Variants in NRXN3 observed in about 807,000 individuals in gnomAD.
The protein encoded by NRXN3 is neurexin 3, also known as neurexin III.
In NRXN3, 32 loss-of-function variants were observed where a neutral mutation model predicts 137.6. The observed-to-expected ratio is 0.23, with a 90% CI of 0.18 to 0.31. The LOEUF (loss-of-function observed/expected upper bound fraction) is 0.31, where lower values mean the gene tolerates loss of function less well. Ranked by LOEUF, NRXN3 falls within the 10% of genes least tolerant of loss-of-function variation. The pLI is 1.00. For synonymous variants in NRXN3, 798 were observed against 784.5 expected (o/e 1.02, Z -0.29); for missense variants, 1,574 against 2,062.5 (o/e 0.76, Z 4.59).
chr14:78,714,659 G>A (rs2098423617), intron 7 of NRXN3, 97 bp from the exon 8 acceptor site: 2 of 1,350,178 alleles, frequency 1.5e-6, no homozygotes, highest in African/African-American at 1.4e-5. Flanking sequence ...GTTCTCTCCT[G>A]GCCAGCCAAT....
At chr14:78,947,995 C>T (rs1288360975) in intron 10 of NRXN3, among the ~76,000 whole-genome samples, 1 of 152,174 alleles carries the variant, frequency 6.6e-6, no homozygotes, top group Non-Finnish European at 1.5e-5. Flanking sequence ...CGTTACCTAC[C>T]TCATGCGGTT....
intron 15 of NRXN3, among the ~76,000 whole-genome samples, chr14:79,119,633 G>A (rs564851211): frequency 2.6e-5 from 4 of 152,196 alleles, no homozygotes; most frequent in African/African-American, 9.6e-5. Context: ...TCTCTTTCTA[G>A]CATGTCAAAC....
chr14:78,583,372 G>A (rs1317946305), intron 4 of NRXN3, among the ~76,000 whole-genome samples: 2 of 150,708 alleles, frequency 1.3e-5, no homozygotes, highest in Admixed American at 1.3e-4. Context: ...CTTTAAATAA[G>A]GATCTATATT....
chr14:78,346,707 C>T (rs2082784048), intron 4 of NRXN3, among the ~76,000 whole-genome samples: 1 of 152,168 alleles, frequency 6.6e-6, no homozygotes, highest in African/African-American at 2.4e-5. Context: ...GATAACTCTG[C>T]CCAAACCACC....
At chr14:78,896,140 G>A (rs2099173789) in intron 10 of NRXN3, among the ~76,000 whole-genome samples, 1 of 151,822 alleles carries the variant, frequency 6.6e-6, no homozygotes, top group Non-Finnish European at 1.5e-5. Flanking sequence ...TGCAATTGTT[G>A]TAAAATGCAA....
intron 4 of NRXN3, among the ~76,000 whole-genome samples, chr14:78,398,333 G>A (rs2091715855): frequency 6.6e-6 from 1 of 151,566 alleles, no homozygotes; most frequent in South Asian, 2.1e-4. Flanking sequence ...GCTATGATGT[G>A]TTTCCATTGA....
intron 2 of NRXN3, among the ~76,000 whole-genome samples, chr14:78,261,296 A>G (rs1403545364): frequency 6.6e-6 from 1 of 152,158 alleles, no homozygotes; most frequent in Non-Finnish European, 1.5e-5. Context: ...TCTCCTGCAC[A>G]TAACTGATTT....
intron 15 of NRXN3, among the ~76,000 whole-genome samples, chr14:79,031,640 G>C (rs12880287): frequency 6.6e-6 from 1 of 151,870 alleles, no homozygotes; most frequent in African/African-American, 2.4e-5. Context: ...ATTCCATCTG[G>C]TGTAGCCAAA....
At chr14:78,793,107 T>C (rs1382496479) in intron 8 of NRXN3, among the ~76,000 whole-genome samples, 1 of 152,176 alleles carries the variant, frequency 6.6e-6, no homozygotes, top group African/African-American at 2.4e-5. Flanking sequence ...TATCAAAATA[T>C]CTCATGTACT....
intron 8 of NRXN3, among the ~76,000 whole-genome samples, chr14:78,801,514 C>T (rs207474989): frequency 6.6e-6 from 1 of 152,010 alleles, no homozygotes. Context: ...CTTACAAAAC[C>T]ATCAGATAGT....
In NRXN3 at chr14:78,714,760, T is replaced by C. The variant is rs1048713684; in HGVS notation, c.1665T>C (p.Thr555=). 4 of 1,613,284 alleles carry C rather than the reference T, an allele frequency of 2.5e-6. No individual in the cohort carries two copies. Among genetic ancestry groups the C allele is most frequent in the Non-Finnish European group, 3.4e-6 (4 of 1,179,458 alleles). ...VDIQRDGRSG[T]ISVNSRRTPF... is the part of the protein sequence containing the mutation. ...AGATCTGTCTTCCCACCCCAGGTAC[T>C]ATATCAGTGAACAGCAGGCGCACGC... is the stretch of plus-strand genomic sequence containing the variant. Residue 555 remains threonine (T), a synonymous_variant, in exon 8 of 21, where the codon ACT becomes ACC. Transcript: ENST00000335750.
rs151021769 is a variant in NRXN3 at position 78,825,160 on chromosome 14, G to A, written c.2275+14816G>A. Among the ~76,000 whole-genome samples the A allele has an allele frequency of 3.1e-3, 412 of 132,338 alleles. 3 individuals carry two copies. The highest frequency in any genetic ancestry group is 0.012 in the African/African-American group (399 of 34,490). 86.8% of individuals were successfully genotyped at this position (132,338 alleles called of 152,430 possible). A position where few individuals can be genotyped will look rare whatever the true frequency, so the allele number is the denominator to read the frequency against. On this transcript the variant is annotated intron_variant, in intron 10 of 20. Transcript: ENST00000335750. ...TGCAGTGAGCCGAGATTGCAACACTGCACTCCAGCCTGCGTGACAGAGCGA... is the reference window on the plus strand; with the variant it reads ...TGCAGTGAGCCGAGATTGCAACACTACACTCCAGCCTGCGTGACAGAGCGA...
intron 3 of NRXN3, among the ~76,000 whole-genome samples, chr14:78,283,734 C>T (rs1307646700): frequency 6.6e-6 from 1 of 152,168 alleles, no homozygotes; most frequent in Non-Finnish European, 1.5e-5. Flanking sequence ...GTCTCAAACT[C>T]CTGACCACCT....
intron 15 of NRXN3, among the ~76,000 whole-genome samples, chr14:79,072,767 T>C (rs988113141): frequency 1.3e-5 from 2 of 152,176 alleles, no homozygotes; most frequent in African/African-American, 4.8e-5. Flanking sequence ...GAAGAGTTCA[T>C]TGTGATGGTG....
intron 4 of NRXN3, among the ~76,000 whole-genome samples, chr14:78,395,496 G>A (rs905451432): frequency 6.6e-6 from 1 of 151,792 alleles, no homozygotes; most frequent in Non-Finnish European, 1.5e-5. Context: ...ACTGTTGGGT[G>A]GAGTGTTTGA....
chr14:78,188,751 TCA>T (rs2060456345), intron 1 of NRXN3, among the ~76,000 whole-genome samples: 1 of 152,188 alleles, frequency 6.6e-6, no homozygotes, highest in Admixed American at 6.5e-5. Context: ...ATTTCCCTTC[TCA>T]GAGTCTCAGA....
intron 4 of NRXN3, among the ~76,000 whole-genome samples, chr14:78,306,051 A>G (rs112279280): frequency 5.8e-4 from 88 of 152,286 alleles, no homozygotes; most frequent in African/African-American, 2.1e-3. Flanking sequence ...GACACCAAAG[A>G]CATTTTTTGC....
intron 2 of NRXN3, among the ~76,000 whole-genome samples, chr14:78,276,655 T>A (rs2073640523): frequency 6.6e-6 from 1 of 152,144 alleles, no homozygotes; most frequent in East Asian, 1.9e-4. Context: ...GAGGCTGGGA[T>A]TTGAACCCAG....
At chr14:78,175,705 G>A (rs982735223) in intron 1 of NRXN3, among the ~76,000 whole-genome samples, 3 of 152,126 alleles carry the variant, frequency 2.0e-5, no homozygotes, top group African/African-American at 7.2e-5. Context: ...GCCATGCTGA[G>A]CTCGGGGCAG....
Sources: gnomAD v4.1 joint callset for allele counts (sites outside exome capture counted in the v4.1 genomes callset) on GRCh38, gnomAD v4.1.1 for gene constraint, MANE v1.5 for transcripts, NCBI Gene and HGNC (gene_info 2026-07-23, HGNC 2026-07-21) for gene names.